RASEF: variants seen among roughly 807,000 people sequenced by gnomAD.
RASEF encodes the protein ras and EF-hand domain-containing protein.
In RASEF, 68 loss-of-function variants were observed where a neutral mutation model predicts 90.1. The ratio of observed to expected loss-of-function variants is 0.75; its 90% confidence interval spans 0.62 to 0.92. The LOEUF is 0.92. RASEF is among the 40% of genes least tolerant of loss of function. The probability of loss-of-function intolerance (pLI) is 0.00; values close to 1 mark genes in which losing one functional copy is unlikely to be tolerated. For missense variants in RASEF, 949 were observed against 937.2 expected (o/e 1.01, Z -0.16); for synonymous variants, 331 against 345.2 (o/e 0.96, Z 0.46).
chr9:83,195,521 T>C, the RASEF span, among the ~76,000 whole-genome samples: 1 of 152,146 alleles, frequency 6.6e-6, no homozygotes, highest in Non-Finnish European at 1.5e-5. Context: ...AAATGCTTAT[T>C]TACCTCCTAC....
At chr9:83,113,024 C>G in the RASEF span, among the ~76,000 whole-genome samples, 1 of 151,938 alleles carries the variant, frequency 6.6e-6, no homozygotes, top group Non-Finnish European at 1.5e-5. Flanking sequence ...TTTTAAAAGT[C>G]AATTTTCAAC....
chr9:83,016,434 AC>A (rs1829344387), intron 3 of RASEF, among the ~76,000 whole-genome samples: 1 of 151,236 alleles, frequency 6.6e-6, no homozygotes, highest in Non-Finnish European at 1.5e-5. Context: ...GCAGTAAGGC[AC>A]CCCAGGTCAG....
the RASEF span, among the ~76,000 whole-genome samples, chr9:83,124,998 G>A: frequency 6.6e-6 from 1 of 152,194 alleles, no homozygotes; most frequent in Non-Finnish European, 1.5e-5. Context: ...TCTCTTCCTT[G>A]CTGCCTGCTC....
At chr9:83,067,599 G>A (rs775277907), upstream of RASEF, among the ~76,000 whole-genome samples, 1 of 152,158 alleles carries the variant, frequency 6.6e-6, no homozygotes, top group South Asian at 2.1e-4. Context: ...TTGTGTATGT[G>A]TTGTGTTGGC....
chr9:83,181,145 C>T, the RASEF span, among the ~76,000 whole-genome samples: 1 of 145,888 alleles, frequency 6.9e-6, no homozygotes, highest in African/African-American at 2.6e-5. Context: ...AACAAGAGAA[C>T]ATCAGGAGGT....
At chr9:83,072,859 C>G in the RASEF span, among the ~76,000 whole-genome samples, 6 of 152,188 alleles carry the variant, frequency 3.9e-5, no homozygotes, top group Non-Finnish European at 1.5e-5. Flanking sequence ...CAGACACATA[C>G]AGGAACAATA....
the RASEF span, among the ~76,000 whole-genome samples, chr9:83,122,781 A>G: frequency 1.3e-5 from 2 of 152,340 alleles, no homozygotes; most frequent in African/African-American, 4.8e-5. Flanking sequence ...TATTAATTTT[A>G]TAGCCTAAAT....
the RASEF span, among the ~76,000 whole-genome samples, chr9:83,094,890 T>C: frequency 4.6e-5 from 7 of 152,202 alleles, no homozygotes; most frequent in Non-Finnish European, 1.0e-4. Context: ...AGGCTACTTG[T>C]TTCTCTTGTT....
the RASEF span, among the ~76,000 whole-genome samples, chr9:83,132,196 T>C: frequency 1.3e-5 from 2 of 152,140 alleles, no homozygotes; most frequent in South Asian, 4.1e-4. Flanking sequence ...ATAAGAGTCA[T>C]GGCATCTTCT....
intron 1 of RASEF, among the ~76,000 whole-genome samples, chr9:83,026,884 G>A (rs1829558579): frequency 6.6e-6 from 1 of 152,032 alleles, no homozygotes; most frequent in Non-Finnish European, 1.5e-5. Context: ...ACACTACCCA[G>A]AGTCAGCACA....
intron 1 of RASEF, among the ~76,000 whole-genome samples, chr9:83,036,589 A>G (rs1281128378): frequency 6.6e-6 from 1 of 152,182 alleles, no homozygotes; most frequent in Non-Finnish European, 1.5e-5. Context: ...GGCAGCAACA[A>G]CCTCGAAAGT....
intron 2 of RASEF, among the ~76,000 whole-genome samples, chr9:83,023,708 C>T (rs17085961): frequency 0.03 from 4,518 of 152,256 alleles, 209 homozygotes; most frequent in African/African-American, 0.1. Flanking sequence ...AGTCTAGAAA[C>T]TGTGTATCTC....
chr9:83,026,007 A>C (rs149248637), intron 1 of RASEF, 86 bp from the exon 2 acceptor site: 1 of 972,408 alleles, frequency 1.0e-6, no homozygotes, highest in Non-Finnish European at 1.5e-6. Context: ...AGAAACATAA[A>C]TGAAGAACTA....
intron 1 of RASEF, among the ~76,000 whole-genome samples, chr9:83,059,351 CAACAGT>C (rs1736104745): frequency 1.5e-5 from 2 of 130,862 alleles, no homozygotes; most frequent in Admixed American, 1.6e-4. Context: ...GACTGGCTCA[CAACAGT>C]AACTGAAAAA....
At chr9:83,085,323 CAT>C in the RASEF span, among the ~76,000 whole-genome samples, 1 of 152,206 alleles carries the variant, frequency 6.6e-6, no homozygotes, top group Non-Finnish European at 1.5e-5. Flanking sequence ...GACATGAAAT[CAT>C]TCAAGCATTA....
At chr9:83,165,327 T>G in the RASEF span, among the ~76,000 whole-genome samples, 1 of 152,018 alleles carries the variant, frequency 6.6e-6, no homozygotes, top group Non-Finnish European at 1.5e-5. Flanking sequence ...CACAAAGGAA[T>G]TAAACCAGAA....
chr9:83,000,750 A>T (rs1302536430), intron 10 of RASEF, 146 bp downstream of exon 10: 4 of 899,072 alleles, frequency 4.4e-6, no homozygotes, highest in Non-Finnish European at 3.4e-6. Context: ...ATTTCTCCCT[A>T]ACTCTGTGGA....
chr9:83,179,353 C>A, the RASEF span, among the ~76,000 whole-genome samples: 2 of 152,120 alleles, frequency 1.3e-5, no homozygotes, highest in Non-Finnish European at 2.9e-5. Flanking sequence ...ACTTTATCTC[C>A]CACTGCATAC....
chr9:83,218,539 T>C, the RASEF span, among the ~76,000 whole-genome samples: 1 of 152,080 alleles, frequency 6.6e-6, no homozygotes, highest in Non-Finnish European at 1.5e-5. Context: ...AGGACCTGAC[T>C]AGCTGAAACA....
Sources: allele counts gnomAD v4.1 joint callset (sites outside exome capture counted in the v4.1 genomes callset), GRCh38; gene constraint gnomAD v4.1.1; transcripts MANE v1.5; gene names NCBI Gene and HGNC (gene_info 2026-07-23, HGNC 2026-07-21).